The following NUP107 variants were observed in gnomAD, a reference collection of about 807,000 sequenced individuals.
The protein encoded by NUP107 is nuclear pore complex protein Nup107.
NUP107 carries 101 observed loss-of-function variants against 141.0 expected under a neutral mutation model. That is an observed-to-expected ratio of 0.72 (90% confidence interval 0.61 to 0.84). The LOEUF (loss-of-function observed/expected upper bound fraction) is 0.84, where lower values mean the gene tolerates loss of function less well. NUP107 is among the 40% of genes least tolerant of loss of function. NUP107 has a pLI of 0.00. For missense variants in NUP107, 941 were observed against 1,102.7 expected (o/e 0.85, Z 2.08); for synonymous variants, 319 against 363.9 (o/e 0.88, Z 1.41).
intron 6 of NUP107, among the ~76,000 whole-genome samples, chr12:68,698,426 A>G (rs1430847752): frequency 6.6e-6 from 1 of 152,256 alleles, no homozygotes; most frequent in African/African-American, 2.4e-5. Context: ...TACTATTGTC[A>G]TATGATCCAG....
chr12:68,734,275 G>C (rs1877968497), intron 24 of NUP107, among the ~76,000 whole-genome samples: 1 of 152,006 alleles, frequency 6.6e-6, no homozygotes, highest in South Asian at 2.1e-4. Flanking sequence ...CTGGGTGACA[G>C]AGCAAGGTCC....
chr12:68,719,618 C>T lies in NUP107; in HGVS notation c.1215C>T (p.Arg405=), dbSNP rs1053842057. 4 of 1,612,866 alleles carry T rather than the reference C, an allele frequency of 2.5e-6. No individual in the cohort carries two copies. Among genetic ancestry groups the T allele is most frequent in the African/African-American group, 2.7e-5 (2 of 74,880 alleles). The change falls in exon 14 of 28, where the codon CGC becomes CGT. Residue 405 remains arginine (R), a synonymous_variant. Transcript: ENST00000229179. ...LEPVEGNPYR[R]IWKISCWRMA... is the part of the protein sequence containing the mutation. Reference sequence around the variant, plus strand: ...CTGTTGAAGGGAATCCATATAGACGCATTTGGAAAATAAGTTGCTGGAGAA... The same window carrying T: ...CTGTTGAAGGGAATCCATATAGACGTATTTGGAAAATAAGTTGCTGGAGAA...
chr12:68,707,150 C>T (rs550713679), intron 8 of NUP107: 18 of 539,670 alleles, frequency 3.3e-5, no homozygotes, highest in Middle Eastern at 5.0e-4. Context: ...GCACAGGGAA[C>T]AGGAGACCCA....
chr12:68,734,941 T>G, intron 25 of NUP107, 108 bp downstream of exon 25: 6 of 1,226,576 alleles, frequency 4.9e-6, no homozygotes, highest in Non-Finnish European at 6.8e-6. Context: ...TAACAGGTAA[T>G]CTCCCTGTTA....
chr12:68,731,204 A>G lies in NUP107; in HGVS notation c.1829A>G (p.Glu610Gly). Reference sequence around the variant, plus strand: ...GTTGCCCAGTATGCATTATTTTTGGAAAGTGTTACAGAATTTGAACAGCGC... The same window carrying G: ...GTTGCCCAGTATGCATTATTTTTGGGAAGTGTTACAGAATTTGAACAGCGC... ...LAVAQYALFL[E>G]SVTEFEQRHH... Residue 610 changes from glutamate (E) to glycine (G), a missense_variant, in exon 21 of 28, where the codon GAA (glutamate) becomes GGA (glycine). Transcript: ENST00000229179. The G allele has an allele frequency of 1.9e-6, 3 of 1,612,716 alleles. No homozygotes were observed. Among genetic ancestry groups the G allele is most frequent in the Non-Finnish European group, 2.5e-6 (3 of 1,179,324 alleles).
chr12:68,720,090 G>A (rs1161381356), intron 14 of NUP107, among the ~76,000 whole-genome samples: 1 of 152,150 alleles, frequency 6.6e-6, no homozygotes, highest in African/African-American at 2.4e-5. Flanking sequence ...CAGTTCTGTT[G>A]TAACACGACA....
chr12:68,721,426 A>G (rs1047908680), intron 15 of NUP107, among the ~76,000 whole-genome samples: 9 of 152,200 alleles, frequency 5.9e-5, no homozygotes, highest in South Asian at 2.1e-4. Flanking sequence ...AGAATTGTAA[A>G]TTTAACTCCA....
At chr12:68,706,955 T>C (rs1876612533) in intron 8 of NUP107, 4 of 661,012 alleles carry the variant, frequency 6.1e-6, no homozygotes, top group South Asian at 5.0e-5. Flanking sequence ...CAGCTTTGGC[T>C]CTGGTGCGGG....
intron 19 of NUP107, 46 bp downstream of exon 19, chr12:68,726,663 A>G (rs1360742725): frequency 1.8e-6 from 2 of 1,127,264 alleles, no homozygotes; most frequent in Non-Finnish European, 2.7e-6. Flanking sequence ...TGTTGATGCT[A>G]TATACCTATT....
At chr12:68,730,261 C>T (rs974197783) in intron 20 of NUP107, among the ~76,000 whole-genome samples, 2 of 128,736 alleles carry the variant, frequency 1.6e-5, no homozygotes, top group South Asian at 2.5e-4. Context: ...TCACCCAGGC[C>T]GGAATGTGGA....
At chr12:68,692,186 T>C in intron 5 of NUP107, 74 bp downstream of exon 5, 1 of 1,353,206 alleles carries the variant, frequency 7.4e-7, no homozygotes, top group South Asian at 1.5e-5. Context: ...TCTTCCTGTT[T>C]CTGAACGTCA....
At position 68,742,565 on chromosome 12, in the gene NUP107, G is replaced by A; in HGVS notation, c.*103G>A. The A allele has an allele frequency of 1.8e-6, 1 of 568,362 alleles. No homozygotes were observed. The allele number at this position is 568,362 out of a possible 1,614,324, so 35.2% of individuals were successfully genotyped here. Reference sequence around the variant, plus strand: ...CTTTTGCATTACCATGTAAAATTTAGACATTTGAATTTTGTACTTTTCAGA... The same window carrying A: ...CTTTTGCATTACCATGTAAAATTTAAACATTTGAATTTTGTACTTTTCAGA... On this transcript the variant is annotated 3_prime_UTR_variant, in exon 28 of 28. Coordinates refer to ENST00000229179, the MANE Select transcript of NUP107 (RefSeq NM_020401.4).
chr12:68,738,845 AC>A (rs1878196118), intron 26 of NUP107, among the ~76,000 whole-genome samples: 1 of 152,022 alleles, frequency 6.6e-6, no homozygotes, highest in South Asian at 2.1e-4. Context: ...TGGACTAGTG[AC>A]CCTTTCAGAA....
chr12:68,689,475 A>C, intron 2 of NUP107, 58 bp from the exon 3 acceptor site: 1 of 982,596 alleles, frequency 1.0e-6, no homozygotes, highest in Admixed American at 2.3e-5. Flanking sequence ...AAGATGGTTA[A>C]TTCTCATTTT....
At chr12:68,706,456 C>T in intron 8 of NUP107, 8 of 740,038 alleles carry the variant, frequency 1.1e-5, no homozygotes, top group Non-Finnish European at 1.5e-5. Context: ...CCAACCACAA[C>T]CAGGCTGAGG....
chr12:68,717,972 C>A (rs1428072773), intron 12 of NUP107, among the ~76,000 whole-genome samples: 1 of 152,126 alleles, frequency 6.6e-6, no homozygotes, highest in Non-Finnish European at 1.5e-5. Context: ...GAAACCCAAC[C>A]TAAGTTACTT....
chr12:68,713,999 G>C lies in NUP107; in HGVS notation c.969+191G>C, dbSNP rs117069633. ...GAAACATATCCGTGACCTTTGAATT[G>C]TAAGTAATAAGTTGTGGAAAGTATA... On this transcript the variant is annotated intron_variant, in intron 11 of 27. Coordinates refer to ENST00000229179, the MANE Select transcript of NUP107 (RefSeq NM_020401.4). The C allele has an allele frequency of 0.024, 12,523 of 530,892 alleles. 242 individuals are homozygous for C. Among genetic ancestry groups the C allele is most frequent in the Non-Finnish European group, 0.026 (7,782 of 304,770 alleles). 32.9% of individuals were successfully genotyped at this position (530,892 alleles called of 1,614,324 possible). A position where few individuals can be genotyped will look rare whatever the true frequency, so the allele number is the denominator to read the frequency against.
In NUP107 at chr12:68,721,946, G is replaced by A. The variant is rs774860294; in HGVS notation, c.1417G>A (p.Asp473Asn). 1 of 1,614,044 alleles carries A rather than the reference G, an allele frequency of 6.2e-7. No individual in the cohort carries two copies. Among genetic ancestry groups the A allele is most frequent in the Non-Finnish European group, 8.5e-7 (1 of 1,179,972 alleles). The change falls in exon 16 of 28, where the codon GAT becomes AAT. Residue 473 changes from aspartate to asparagine, a missense_variant. Asp to Asn is a conservative substitution (Grantham distance 23, BLOSUM62 1). Transcript: ENST00000229179. ...GATCCAGACATCAGTAGCAACTCTG[G>A]ATGAAACTGAAGAACTCCCTAGAGA... ...QEIQTSVATL[D>N]ETEELPREYL...
At position 68,707,088 on chromosome 12, in the gene NUP107, C is replaced by T. The variant is rs571612378; in HGVS notation, c.730-2150C>T. The T allele has an allele frequency of 1.8e-4, 104 of 570,456 alleles. No homozygotes were observed. The African/African-American group carries it at 1.9e-3, about 10-fold the overall frequency. 35.3% of individuals were successfully genotyped at this position (570,456 alleles called of 1,614,324 possible). ...ACCAAGTGAACAGCCGTGACAGCCC[C>T]TTCTAGCCTACCCCTTCTGCGGCTG... On this transcript the variant is annotated intron_variant, in intron 8 of 27. Transcript: ENST00000229179.
Sources: gnomAD v4.1 joint callset for allele counts (sites outside exome capture counted in the v4.1 genomes callset) on GRCh38, gnomAD v4.1.1 for gene constraint, MANE v1.5 for transcripts, NCBI Gene and HGNC (gene_info 2026-07-23, HGNC 2026-07-21) for gene names.